The following RPAP3 variants were observed in gnomAD, a reference collection of about 807,000 sequenced individuals.
The protein encoded by RPAP3 is RNA polymerase II associated protein 3.
Under a neutral mutation model 88.8 loss-of-function variants are expected in RPAP3, and 58 were observed. The observed-to-expected ratio is 0.65, with a 90% confidence interval of 0.53 to 0.81. The LOEUF is 0.81. RPAP3 is among the 40% of genes least tolerant of loss of function. RPAP3 has a pLI of 0.00. For synonymous variants in RPAP3, 255 were observed against 259.9 expected, an observed-to-expected ratio of 0.98 and a Z score of 0.18; for missense variants, 751 against 764.3, an observed-to-expected ratio of 0.98 and a Z score of 0.20.
In RPAP3 at chr12:47,701,547, C is replaced by A. The variant is rs200333932; in HGVS notation, c.211G>T (p.Glu71Ter). ...TCCTCTCTGGTTTTTTTGGAAGACT[C>A]TTTAGCTTTGCCTTTCTTCTTTTTC... The part of the protein sequence containing the change: ...FRKKKKGKAK[E>*]SSKKTREENT... Residue 71 changes from glutamate to a stop codon, truncating the protein, a stop_gained, in exon 3 of 17, where the codon GAG becomes TAG. Transcript: ENST00000005386. LOFTEE classifies it high-confidence loss of function. 6.2e-7 allele frequency: 1 copy of A among 1,600,038 alleles called. No homozygotes were observed. The highest frequency in any genetic ancestry group is 8.5e-7 in the Non-Finnish European group (1 of 1,174,172).
chr12:47,686,745 A>C, intron 9 of RPAP3, 35 bp downstream of exon 9: 2 of 1,424,428 alleles, frequency 1.4e-6, no homozygotes, highest in Non-Finnish European at 1.9e-6. Flanking sequence ...GTAAATTTTT[A>C]TCCTGAACAG....
chr12:47,701,413 C>T, intron 3 of RPAP3, 51 bp downstream of exon 3: 1 of 1,423,236 alleles, frequency 7.0e-7, no homozygotes, highest in Non-Finnish European at 9.5e-7. Context: ...TCAGCTAACT[C>T]CCAGAAAATT....
chr12:47,700,706 A>G (rs1351546920), intron 3 of RPAP3, among the ~76,000 whole-genome samples: 2 of 152,216 alleles, frequency 1.3e-5, no homozygotes, highest in African/African-American at 4.8e-5. Context: ...TGTGTATCAC[A>G]TGTGGGAGAT....
chr12:47,679,815 T>G (rs755400118), intron 10 of RPAP3, 41 bp from the exon 11 acceptor site: 2 of 1,380,190 alleles, frequency 1.4e-6, no homozygotes, highest in Admixed American at 3.7e-5. Context: ...ATAGTTAAAA[T>G]GTGGAGTTTT....
chr12:47,665,628 TA>T (rs1017863526), intron 16 of RPAP3, among the ~76,000 whole-genome samples: 22 of 148,026 alleles, frequency 1.5e-4, no homozygotes, highest in Non-Finnish European at 7.5e-5. Flanking sequence ...TTTTAATATA[TA>T]TTTTTTTATT....
At position 47,668,961 on chromosome 12, in the gene RPAP3, G is replaced by A. The variant is rs1336272488; in HGVS notation, c.1668C>T (p.Phe556=). 1.2e-6 allele frequency: 2 copies of A among 1,614,016 alleles called. No individual in the cohort carries two copies. The highest frequency in any genetic ancestry group is 1.7e-5 in the Admixed American group (1 of 60,020). ...PANSFQLESD[F]RQLKSSPDML... is the part of the protein sequence containing the mutation. ...TATCTGGAGAACTTTTCAATTGTCT[G>A]AAATCAGATTCGAGCTGGAACGAGT... The change falls in exon 14 of 17, where the codon TTC becomes TTT. Residue 556 remains phenylalanine (F), a synonymous_variant. Transcript: ENST00000005386.
At chr12:47,704,387 G>A (rs1395071642) in intron 1 of RPAP3, among the ~76,000 whole-genome samples, 1 of 151,780 alleles carries the variant, frequency 6.6e-6, no homozygotes, top group African/African-American at 2.4e-5. Flanking sequence ...TTTTTTTCTT[G>A]AGACAGAGTC....
At chr12:47,677,095 A>C (rs892646296) in intron 12 of RPAP3, among the ~76,000 whole-genome samples, 1 of 152,230 alleles carries the variant, frequency 6.6e-6, no homozygotes, top group African/African-American at 2.4e-5. Flanking sequence ...AATATATGCA[A>C]ATCAATAAAC....
At chr12:47,694,314 C>T (rs182947445) in intron 5 of RPAP3, among the ~76,000 whole-genome samples, 75 of 152,174 alleles carry the variant, frequency 4.9e-4, no homozygotes, top group Non-Finnish European at 8.7e-4. Flanking sequence ...GGCAGATCCA[C>T]GGGGGAAAGT....
At chr12:47,670,372 A>C in intron 12 of RPAP3, 27 bp from the exon 13 acceptor site, 1 of 1,333,074 alleles carries the variant, frequency 7.5e-7, no homozygotes, top group East Asian at 2.3e-5. Flanking sequence ...CAATTCCTTA[A>C]ATCAAAATAT....
Position 47,689,147 on chromosome 12 carries a change from T to A in RPAP3, c.716A>T (p.Asn239Ile). The change falls in exon 7 of 17, where the codon AAT (asparagine) becomes ATT (isoleucine). Residue 239 changes from asparagine to isoleucine, a missense_variant. Transcript: ENST00000005386. The part of the protein sequence containing the change: ...ELEPNNFEAT[N>I]ELRKISQALA... ...TACCTGACTGATTTTCCTGAGTTCA[T>A]TTGTTGCTTCAAAGTTATTTGGTTC... The A allele has an allele frequency of 6.9e-7, 1 of 1,457,766 alleles. No homozygotes were observed. The allele number at this position is 1,457,766 out of a possible 1,614,324, so 90.3% of individuals were successfully genotyped here. A position where few individuals can be genotyped will look rare whatever the true frequency, so the allele number is the denominator to read the frequency against.
chr12:47,688,656 T>C (rs199555867), intron 7 of RPAP3, among the ~76,000 whole-genome samples: 2 of 152,210 alleles, frequency 1.3e-5, no homozygotes, highest in East Asian at 1.9e-4. Context: ...TCAAATTCAA[T>C]ATTCACAGTC....
chr12:47,697,762 T>C (rs774522736), intron 3 of RPAP3, 43 bp from the exon 4 acceptor site: 3 of 1,537,906 alleles, frequency 2.0e-6, no homozygotes, highest in Non-Finnish European at 2.6e-6. Context: ...ATTATATGAT[T>C]AGGAAAAAAA....
rs1447542607 is a variant in RPAP3, at chr12:47,679,541, T to A, written c.1239A>T (p.Arg413Ser). 1 of 1,607,138 alleles carries A rather than the reference T, an allele frequency of 6.2e-7. No individual in the cohort carries two copies. Among genetic ancestry groups the A allele is most frequent in the Admixed American group, 1.7e-5 (1 of 59,848 alleles). ...WDDVFLDSTQ[R>S]QNVVKPIDNP... Reference sequence around the variant, plus strand: ...TATCAATGGGTTTTACCACATTTTGTCTTTGTGTGGAATCAAGAAAGACAT... The same window carrying A: ...TATCAATGGGTTTTACCACATTTTGACTTTGTGTGGAATCAAGAAAGACAT... The change falls in exon 12 of 17, where the codon AGA (arginine) becomes AGT (serine). Residue 413 changes from arginine (R) to serine (S), a missense_variant. By Grantham distance (110) the Arg-to-Ser change is moderately radical. Coordinates refer to ENST00000005386, the MANE Select transcript of RPAP3 (RefSeq NM_024604.3).
At chr12:47,687,342 C>A (rs1215852536) in intron 8 of RPAP3, among the ~76,000 whole-genome samples, 2 of 152,024 alleles carry the variant, frequency 1.3e-5, no homozygotes, top group Non-Finnish European at 2.9e-5. Flanking sequence ...CTTTAATATG[C>A]CCAAATATAA....
At chr12:47,691,592 A>G (rs1939430549) in intron 5 of RPAP3, among the ~76,000 whole-genome samples, 1 of 152,222 alleles carries the variant, frequency 6.6e-6, no homozygotes, top group Non-Finnish European at 1.5e-5. Context: ...TTAAATAACA[A>G]GAATTGAAAT....
rs765546336 is a variant in RPAP3 at position 47,670,078 on chromosome 12, G to A, written c.1526+29C>T. ...CCATTGGAATTAACCCATTCTGGAT[G>A]ATCAGCAAATAACAGTATTTCTACT... On this transcript the variant is annotated intron_variant, in intron 13 of 16. Transcript: ENST00000005386. 3.7e-6 allele frequency: 5 copies of A among 1,354,178 alleles called. No homozygotes were observed. The East Asian group carries it at 9.2e-5, about 25-fold the overall frequency. The allele number at this position is 1,354,178 out of a possible 1,614,324, so 83.9% of individuals were successfully genotyped here. A position where few individuals can be genotyped will look rare whatever the true frequency, so the allele number is the denominator to read the frequency against.
In RPAP3 at chr12:47,684,728, C is replaced by T. The variant is rs1939288746; in HGVS notation, c.992+2052G>A. ...ATCTCTCACCTGTAAGAAGGCATTACTCTTAGCATTAGTCAAACCAACGAA... is the reference window on the plus strand; with the variant it reads ...ATCTCTCACCTGTAAGAAGGCATTATTCTTAGCATTAGTCAAACCAACGAA... On this transcript the variant is annotated intron_variant, in intron 9 of 16. Transcript: ENST00000005386. 2.0e-5 allele frequency among the ~76,000 whole-genome samples: 3 copies of T among 152,184 alleles called. No homozygotes were observed. In the South Asian group the frequency reaches 6.2e-4, roughly 32 times the overall value.
intron 12 of RPAP3, among the ~76,000 whole-genome samples, chr12:47,674,965 ATGAAGGAAAAAG>A (rs1172481183): frequency 2.0e-5 from 3 of 152,182 alleles, no homozygotes; most frequent in African/African-American, 2.4e-5. Flanking sequence ...CAAGGTTGAA[ATGAAGGAAAAAG>A]TGTTAAGGGC....
Sources: allele counts gnomAD v4.1 joint callset (sites outside exome capture counted in the v4.1 genomes callset), GRCh38; gene constraint gnomAD v4.1.1; transcripts MANE v1.5; gene names NCBI Gene and HGNC (gene_info 2026-07-23, HGNC 2026-07-21).